Variants in BAHD1 observed in about 807,000 individuals in gnomAD.
BAHD1 encodes the protein bromo adjacent homology domain-containing 1 protein.
BAHD1 carries 20 observed loss-of-function variants against 63.1 expected under a neutral mutation model. The ratio of observed to expected loss-of-function variants is 0.32; its 90% CI spans 0.22 to 0.46. The LOEUF is 0.46. Among genes scored for constraint, BAHD1 ranks in the 20% least tolerant of loss-of-function variants. The probability of loss-of-function intolerance (pLI) is 1.00; values close to 1 mark genes in which losing one functional copy is unlikely to be tolerated. For missense variants in BAHD1, 939 were observed against 1,071.8 expected, an observed-to-expected ratio of 0.88 and a Z score of 1.73; for synonymous variants, 408 against 426.8, an observed-to-expected ratio of 0.96 and a Z score of 0.54.
At chr15:40,451,495 CA>C (rs1261984043) in intron 1 of BAHD1, among the ~76,000 whole-genome samples, 4 of 152,236 alleles carry the variant, frequency 2.6e-5, no homozygotes, top group Non-Finnish European at 4.4e-5. Context: ...AAAGAGAAAA[CA>C]AATGAGCTTG....
At chr15:40,460,272 C>T (rs1447710893) in intron 2 of BAHD1, among the ~76,000 whole-genome samples, 2 of 152,148 alleles carry the variant, frequency 1.3e-5, no homozygotes, top group Non-Finnish European at 2.9e-5. Context: ...ATTGTTCTCA[C>T]GGCCCTTCTA....
intron 1 of BAHD1, among the ~76,000 whole-genome samples, chr15:40,452,794 C>A (rs2141497189): frequency 6.6e-6 from 1 of 152,264 alleles, no homozygotes; most frequent in Non-Finnish European, 1.5e-5. Context: ...CAGAGCAGGG[C>A]ATCTGTCTGT....
chr15:40,461,882 C>T lies in BAHD1; in HGVS notation c.1433-30C>T, dbSNP rs1339045173. 5 of 1,557,518 alleles carry T rather than the reference C, an allele frequency of 3.2e-6. No individual in the cohort carries two copies. In the East Asian group the frequency reaches 1.1e-4, roughly 35 times the overall value. On this transcript the variant is annotated intron_variant, in intron 2 of 6. Coordinates refer to ENST00000416165, the MANE Select transcript of BAHD1 (RefSeq NM_014952.5). ...ATGGGTGATGGGGGTCACTGCTTGT[C>T]CTGTCCTGACCACTCTCTCCCTTTC...
rs748477221 is a variant in BAHD1 at position 40,465,966 on chromosome 15, G to A, written c.2179G>A (p.Gly727Ser). The A allele has an allele frequency of 1.2e-6, 2 of 1,604,408 alleles. No individual in the cohort carries two copies. The highest frequency in any genetic ancestry group is 1.7e-6 in the Non-Finnish European group (2 of 1,175,544). Residue 727 changes from glycine (G) to serine (S), a missense_variant, in exon 7 of 7, where the codon GGT (glycine) becomes AGT (serine). By Grantham distance (56) the Gly-to-Ser change is moderately conservative (BLOSUM62 0). Around this residue, in one of 5 missense-constraint regions of BAHD1, gnomAD observed 68 missense variants for 86.2 expected, o/e 0.79. Transcript: ENST00000416165. Reference protein sequence around the residue: ...CRFCAMAKRRGEGLPSRKTAL... With the variant: ...CRFCAMAKRRSEGLPSRKTAL... ...GTTCTGTGCCATGGCCAAGCGCCGA[G>A]GTGAAGGCCTCCCCAGCCGAAAGAC...
chr15:40,441,581 TG>T (rs1022903400), intron 1 of BAHD1, among the ~76,000 whole-genome samples: 1 of 140,940 alleles, frequency 7.1e-6, no homozygotes. Flanking sequence ...GGGGGCGGGG[TG>T]GGTGGCGGCC....
chr15:40,467,818 CAG>C lies in BAHD1; in HGVS notation c.*1691_*1692del, dbSNP rs1277516091. ...AGGATGGGGCAGTAAATGAGGTTGG[CAG>C]AGTGGCAGTGGGGGCTCTGCAGAGC... On this transcript the variant is annotated 3_prime_UTR_variant, in exon 7 of 7. Transcript: ENST00000416165. 1 of 152,606 alleles carries C rather than the reference CAG, an allele frequency of 6.6e-6. No individual in the cohort carries two copies. Among genetic ancestry groups the C allele is most frequent in the African/African-American group, 2.4e-5 (1 of 41,434 alleles). The allele number at this position is 152,606 out of a possible 1,614,324, so 9.5% of individuals were successfully genotyped here.
chr15:40,466,505 G>C lies in BAHD1; in HGVS notation c.*375G>C, dbSNP rs917859113. Reference sequence around the variant, plus strand: ...GGAACCAGACCCAACAGGCCCTTCTGTAGCCTCCCCCTTGCCCTCAAAGGG... The same window carrying C: ...GGAACCAGACCCAACAGGCCCTTCTCTAGCCTCCCCCTTGCCCTCAAAGGG... On this transcript the variant is annotated 3_prime_UTR_variant, in exon 7 of 7. Transcript: ENST00000416165. 5.5e-6 allele frequency: 1 copy of C among 182,944 alleles called. No homozygotes were observed. Among genetic ancestry groups the C allele is most frequent in the African/African-American group, 2.4e-5 (1 of 42,254 alleles). The allele number at this position is 182,944 out of a possible 1,614,324, so 11.3% of individuals were successfully genotyped here.
At position 40,466,161 on chromosome 15, in the gene BAHD1, G is replaced by T. The variant is rs200509759; in HGVS notation, c.*31G>T. The T allele has an allele frequency of 8.2e-5, 131 of 1,598,952 alleles. No individual in the cohort carries two copies. The highest frequency in any genetic ancestry group is 1.0e-4 in the Non-Finnish European group (122 of 1,171,408). The stretch of plus-strand genomic sequence containing the variant: ...TCATGCCCATGCTGGGGCTACCCAT[G>T]GGCAAGTGGGGCTCGGGGTAGGGGG... On this transcript the variant is annotated 3_prime_UTR_variant, in exon 7 of 7. Transcript: ENST00000416165.
intron 1 of BAHD1, among the ~76,000 whole-genome samples, chr15:40,442,636 A>C (rs1385160454): frequency 6.6e-6 from 1 of 151,964 alleles, no homozygotes; most frequent in Non-Finnish European, 1.5e-5. Flanking sequence ...TTTGATTAGG[A>C]CAAGAGACAC....
At chr15:40,438,148 A>G (rs1893315725), upstream of BAHD1, among the ~76,000 whole-genome samples, 1 of 152,160 alleles carries the variant, frequency 6.6e-6, no homozygotes, top group South Asian at 2.1e-4. Context: ...GCGTTGGCAC[A>G]GCTGCCCAGT....
At chr15:40,463,118 A>G (rs905655114) in intron 3 of BAHD1, among the ~76,000 whole-genome samples, 4 of 152,182 alleles carry the variant, frequency 2.6e-5, no homozygotes, top group African/African-American at 9.7e-5. Flanking sequence ...CCTGGTCGAC[A>G]TAGCAAGATC....
chr15:40,437,757 G>C (rs939526676), upstream of BAHD1, among the ~76,000 whole-genome samples: 1 of 152,242 alleles, frequency 6.6e-6, no homozygotes, highest in Non-Finnish European at 1.5e-5. Context: ...GTGCCAGGTG[G>C]TTGGATCTCA....
At chr15:40,463,098 T>C in intron 3 of BAHD1, among the ~76,000 whole-genome samples, 1 of 152,072 alleles carries the variant, frequency 6.6e-6, no homozygotes, top group Non-Finnish European at 1.5e-5. Flanking sequence ...GCTCAGGAGT[T>C]CAAGACCAAC....
At position 40,458,782 on chromosome 15, in the gene BAHD1, T is replaced by C. The variant is rs1348079506; in HGVS notation, c.318T>C (p.Ser106=). ...AGCCCCCCAGCCCGGCCCCATCCAG[T>C]GAAGACCCTGGCCTTGCCCAGCCCC... is the stretch of plus-strand genomic sequence containing the variant. The part of the protein sequence containing the change: ...LPKPPSPAPS[S]EDPGLAQPRK... Residue 106 remains serine, a synonymous_variant, in exon 2 of 7, where the codon AGT becomes AGC. Transcript: ENST00000416165. The surrounding 1 kb of genome is among the most constrained non-coding windows in gnomAD (Gnocchi z 4.7). 6.2e-7 allele frequency: 1 copy of C among 1,613,044 alleles called. No homozygotes were observed. The highest frequency in any genetic ancestry group is 1.1e-5 in the South Asian group (1 of 91,076).
intron 4 of BAHD1, 141 bp downstream of exon 4, chr15:40,464,161 G>A (rs1349318362): frequency 1.9e-6 from 2 of 1,026,522 alleles, no homozygotes; most frequent in Non-Finnish European, 1.4e-6. Context: ...CACTCGGCTG[G>A]GGTCTCTCTG....
rs1894265314 is a variant in BAHD1 at position 40,468,057 on chromosome 15, T to C, written c.*1927T>C. Reference sequence around the variant, plus strand: ...ATGGAAGCATAATCCATGTAAAATATATTTTAGTTGATATTTTGTAAAATG... The same window carrying C: ...ATGGAAGCATAATCCATGTAAAATACATTTTAGTTGATATTTTGTAAAATG... On this transcript the variant is annotated 3_prime_UTR_variant, in exon 7 of 7. Transcript: ENST00000416165. The C allele has an allele frequency of 1.3e-5, 2 of 152,680 alleles. No individual in the cohort carries two copies. Among genetic ancestry groups the C allele is most frequent in the Non-Finnish European group, 2.9e-5 (2 of 68,034 alleles). The allele number at this position is 152,680 out of a possible 1,614,324, so 9.5% of individuals were successfully genotyped here. A position where few individuals can be genotyped will look rare whatever the true frequency, so the allele number is the denominator to read the frequency against.
At position 40,459,841 on chromosome 15, in the gene BAHD1, T is replaced by C; in HGVS notation, c.1377T>C (p.Val459=). The C allele has an allele frequency of 6.2e-7, 1 of 1,609,098 alleles. No individual in the cohort carries two copies. Among genetic ancestry groups the C allele is most frequent in the South Asian group, 1.1e-5 (1 of 90,814 alleles). ...TCTGCGGAGTGTTGCCCCTGTCTGT[T>C]ACCCACGCTGGCACTACCTGTGGCG... is the stretch of plus-strand genomic sequence containing the variant. ...YSICGVLPLS[V]THAGTTCGGC... is the part of the protein sequence containing the mutation. The change falls in exon 2 of 7, where the codon GTT becomes GTC. Residue 459 remains valine, a synonymous_variant. Transcript: ENST00000416165.
chr15:40,456,140 A>T (rs1893843274), intron 1 of BAHD1, among the ~76,000 whole-genome samples: 1 of 148,366 alleles, frequency 6.7e-6, no homozygotes, highest in Non-Finnish European at 1.5e-5. Flanking sequence ...GCCTGGCTAA[A>T]TTTTTTTTTT....
intron 2 of BAHD1, among the ~76,000 whole-genome samples, chr15:40,461,698 A>G (rs925682939): frequency 2.0e-5 from 3 of 152,154 alleles, no homozygotes; most frequent in African/African-American, 7.2e-5. Flanking sequence ...TTTCAGACTA[A>G]AAGGGGAGAT....
Sources: gnomAD v4.1 joint callset for allele counts (sites outside exome capture counted in the v4.1 genomes callset) on GRCh38, gnomAD v4.1.1 for gene constraint, gnomAD v4.1.1 regional missense constraint, Gnocchi (gnomAD v3.1) non-coding constraint, MANE v1.5 for transcripts, NCBI Gene and HGNC (gene_info 2026-07-23, HGNC 2026-07-21) for gene names.